CADM2: variants seen among roughly 807,000 people sequenced by gnomAD.
The protein encoded by CADM2 is immunoglobulin superfamily member 4D.
A neutral mutation model predicts 49.8 loss-of-function variants in CADM2; 12 were observed. That is an observed-to-expected ratio of 0.24 (90% confidence interval 0.15 to 0.39). The LOEUF (loss-of-function observed/expected upper bound fraction) is 0.39, where lower values mean the gene tolerates loss of function less well. CADM2 is among the 10% of genes least tolerant of loss of function. CADM2 has a pLI of 1.00. For missense variants in CADM2, 378 were observed against 492.3 expected (o/e 0.77, Z 2.20); for synonymous variants, 214 against 175.4 (o/e 1.22, Z -1.74).
chr3:85,820,227 G>A (rs1275319298), intron 3 of CADM2, among the ~76,000 whole-genome samples: 3 of 152,108 alleles, frequency 2.0e-5, no homozygotes, highest in Non-Finnish European at 4.4e-5. Context: ...GTCAGCCATA[G>A]AATAATTCTG....
At chr3:85,152,802 A>G (rs1209751729) in intron 1 of CADM2, among the ~76,000 whole-genome samples, 6 of 151,890 alleles carry the variant, frequency 4.0e-5, no homozygotes, top group Non-Finnish European at 5.9e-5. Flanking sequence ...CTAAAAATAC[A>G]AAAAGAAAAA....
intron 1 of CADM2, among the ~76,000 whole-genome samples, chr3:85,384,361 C>T (rs2107367205): frequency 6.6e-6 from 1 of 151,986 alleles, no homozygotes; most frequent in South Asian, 2.1e-4. Context: ...TTGTTGCCCA[C>T]GGTGGAGTGC....
At chr3:85,153,872 G>C (rs1447873491) in intron 1 of CADM2, among the ~76,000 whole-genome samples, 1 of 152,184 alleles carries the variant, frequency 6.6e-6, no homozygotes, top group East Asian at 1.9e-4. Flanking sequence ...ACCTGCAGCT[G>C]AGGGTCCTGA....
chr3:85,076,064 CAA>C (rs57738865), intron 1 of CADM2, among the ~76,000 whole-genome samples: 40 of 137,510 alleles, frequency 2.9e-4, no homozygotes, highest in African/African-American at 6.9e-4. Flanking sequence ...TCTGCAACTT[CAA>C]AAAAAAAAAA....
intron 1 of CADM2, among the ~76,000 whole-genome samples, chr3:85,260,083 A>T (rs1336005896): frequency 2.0e-5 from 3 of 152,126 alleles, no homozygotes; most frequent in African/African-American, 7.2e-5. Flanking sequence ...TGAAATAAAT[A>T]ATGTTCTATT....
chr3:85,102,255 A>G (rs943663486), intron 1 of CADM2, among the ~76,000 whole-genome samples: 1 of 152,132 alleles, frequency 6.6e-6, no homozygotes, highest in Non-Finnish European at 1.5e-5. Context: ...TGCTTAGGCT[A>G]TTCATTAATC....
At position 85,217,956 on chromosome 3, in the gene CADM2, G is replaced by C. The variant is rs866723746; in HGVS notation, c.61+258288G>C. Among the ~76,000 whole-genome samples the C allele has an allele frequency of 2.6e-5, 4 of 151,776 alleles. No individual in the cohort carries two copies. The South Asian group carries it at 6.2e-4, about 24-fold the overall frequency. On this transcript the variant is annotated intron_variant, in intron 1 of 9. Coordinates refer to ENST00000383699, the MANE Select transcript of CADM2 (RefSeq NM_001167675.2). ...TTTATTCTCTTTAAATAACTTTGTT[G>C]TATATTTGGATATTTGGCCTTTAGC... is the stretch of plus-strand genomic sequence containing the variant.
At chr3:85,702,112 G>A (rs780141369) in intron 1 of CADM2, among the ~76,000 whole-genome samples, 4 of 152,102 alleles carry the variant, frequency 2.6e-5, no homozygotes, top group Non-Finnish European at 5.9e-5. Context: ...AGGTAGCATA[G>A]GGCTGTGCTA....
At chr3:85,754,149 T>C (rs1310430021) in intron 2 of CADM2, among the ~76,000 whole-genome samples, 2 of 152,172 alleles carry the variant, frequency 1.3e-5, no homozygotes, top group Non-Finnish European at 2.9e-5. Flanking sequence ...CTAGAAGTCA[T>C]ATACCAGTTA....
intron 1 of CADM2, among the ~76,000 whole-genome samples, chr3:85,185,587 C>T (rs1449805373): frequency 6.6e-6 from 1 of 151,926 alleles, no homozygotes; most frequent in Non-Finnish European, 1.5e-5. Context: ...ACCATGCCAC[C>T]CCACCATGTC....
chr3:85,606,518 G>T (rs180792803), intron 1 of CADM2, among the ~76,000 whole-genome samples: 2 of 152,102 alleles, frequency 1.3e-5, no homozygotes, highest in Non-Finnish European at 2.9e-5. Flanking sequence ...AATTGTTTTG[G>T]CCAAGAATCA....
chr3:85,294,226 A>T (rs1466162813), intron 1 of CADM2, among the ~76,000 whole-genome samples: 6 of 152,100 alleles, frequency 3.9e-5, no homozygotes, highest in South Asian at 4.2e-4. Context: ...GGAATCCAAC[A>T]TACAAGGGAT....
intron 3 of CADM2, among the ~76,000 whole-genome samples, chr3:85,876,729 A>T (rs978801436): frequency 2.0e-5 from 3 of 152,158 alleles, no homozygotes; most frequent in African/African-American, 7.2e-5. Flanking sequence ...AAAACTATGA[A>T]TGTAAGTATT....
chr3:85,440,724 T>C (rs189532256), intron 1 of CADM2, among the ~76,000 whole-genome samples: 12 of 141,172 alleles, frequency 8.5e-5, no homozygotes, highest in African/African-American at 2.9e-4. Context: ...GGCTCACGTC[T>C]GTAATCCCAG....
Position 85,255,285 on chromosome 3 carries a change from G to A in CADM2, c.61+295617G>A, listed in dbSNP as rs190544184. On this transcript the variant is annotated intron_variant, in intron 1 of 9. Coordinates refer to ENST00000383699, the MANE Select transcript of CADM2 (RefSeq NM_001167675.2). ...GCCTGGGTCCATAGCCTACAGGGTT[G>A]TCATTAGCCCAAGGATATCTTTAAA... Among the ~76,000 whole-genome samples, 274 of 152,094 alleles carry A rather than the reference G, an allele frequency of 1.8e-3. 1 individual carries two copies. The highest frequency in any genetic ancestry group is 6.3e-3 in the African/African-American group (263 of 41,518).
At chr3:85,789,289 T>C (rs1253513343) in intron 2 of CADM2, among the ~76,000 whole-genome samples, 3 of 152,190 alleles carry the variant, frequency 2.0e-5, no homozygotes, top group Non-Finnish European at 4.4e-5. Flanking sequence ...TAAATTTCTT[T>C]TCTCTGGAAG....
chr3:85,906,656 C>T (rs1312064227), intron 5 of CADM2, among the ~76,000 whole-genome samples: 1 of 152,132 alleles, frequency 6.6e-6, no homozygotes, highest in Non-Finnish European at 1.5e-5. Flanking sequence ...AAAGGGTGCT[C>T]ATAGGCAAGA....
intron 1 of CADM2, among the ~76,000 whole-genome samples, chr3:85,556,771 T>A (rs970505223): frequency 2.6e-5 from 4 of 152,100 alleles, no homozygotes; most frequent in African/African-American, 9.7e-5. Context: ...GCACATAATA[T>A]CCTTTGCATG....
chr3:85,031,310 G>A (rs1576073381), intron 1 of CADM2, among the ~76,000 whole-genome samples: 1 of 152,190 alleles, frequency 6.6e-6, no homozygotes, highest in African/African-American at 2.4e-5. Flanking sequence ...AGGGCATAGC[G>A]CAGGTAAGAG....
Sources: gnomAD v4.1 joint callset for allele counts (sites outside exome capture counted in the v4.1 genomes callset) on GRCh38, gnomAD v4.1.1 for gene constraint, MANE v1.5 for transcripts, NCBI Gene and HGNC (gene_info 2026-07-23, HGNC 2026-07-21) for gene names.